The following KIF26A variants were observed in gnomAD, a reference collection of about 807,000 sequenced individuals.
The protein encoded by KIF26A is kinesin family member 26A.
In KIF26A, 74 loss-of-function variants were observed where a neutral mutation model predicts 126.0. The ratio of observed to expected loss-of-function variants is 0.59; its 90% CI spans 0.49 to 0.71. The LOEUF (loss-of-function observed/expected upper bound fraction) is 0.71. Ranked by LOEUF, KIF26A falls within the 30% of genes least tolerant of loss-of-function variation. The pLI is 0.00. For missense variants in KIF26A, 2,984 were observed against 2,763.3 expected (o/e 1.08, Z -1.79); for synonymous variants, 1,445 against 1,232.7 (o/e 1.17, Z -3.61).
chr14:104,141,080 C>T (rs537468744), intron 2 of KIF26A, among the ~76,000 whole-genome samples: 3 of 152,352 alleles, frequency 2.0e-5, no homozygotes, highest in South Asian at 2.1e-4. Context: ...GTCCCCTGTG[C>T]GGGCCTGGGC....
In KIF26A at chr14:104,178,733, C is replaced by T. The variant is rs1033608572; in HGVS notation, c.5294C>T (p.Thr1765Ile). Residue 1765 changes from threonine to isoleucine, a missense_variant, in exon 13 of 15, where the codon ACC (threonine) becomes ATC (isoleucine). Physicochemically the swap from Thr to Ile is moderately conservative, Grantham distance 89. Coordinates refer to ENST00000423312, the MANE Select transcript of KIF26A (RefSeq NM_015656.2). ...DVERLQRPRP[T>I]PREAPTQGLA... The stretch of plus-strand genomic sequence containing the variant: ...GAGCGCCTTCAGCGGCCCCGCCCCA[C>T]CCCGAGGGAGGCCCCCACCCAGGTA... 2 of 1,544,452 alleles carry T rather than the reference C, an allele frequency of 1.3e-6. No individual in the cohort carries two copies. Among genetic ancestry groups the T allele is most frequent in the Admixed American group, 1.9e-5 (1 of 51,392 alleles).
At chr14:104,149,931 A>G (rs1661449022) in intron 2 of KIF26A, among the ~76,000 whole-genome samples, 1 of 152,144 alleles carries the variant, frequency 6.6e-6, no homozygotes, top group South Asian at 2.1e-4. Flanking sequence ...ACACGGGGCC[A>G]CCAGGGCAGC....
Position 104,139,172 on chromosome 14 carries a change from C to T in KIF26A, c.172C>T (p.Pro58Ser), listed in dbSNP as rs1460208967. 6.5e-7 allele frequency: 1 copy of T among 1,537,268 alleles called. No individual in the cohort carries two copies. The highest frequency in any genetic ancestry group is 1.4e-5 in the African/African-American group (1 of 71,650). ...TGCTCCCGAAGGCGCCGGGGCCGGC[C>T]CAGAGCAGGGCCACTCGGCCGGCGG... ...RPAPEGAGAG[P>S]EQGHSAGGGG... The change falls in exon 2 of 15, where the codon CCA (proline) becomes TCA (serine). Residue 58 changes from proline to serine, a missense_variant. Physicochemically the swap from Pro to Ser is moderately conservative, Grantham distance 74. Transcript: ENST00000423312.
chr14:104,176,242 T>G lies in KIF26A; in HGVS notation c.3454T>G (p.Ser1152Ala). ...TGGGGGCCCCCCTGCCCTGGATGGT[T>G]CCCTGGGGGATGGAAGCTCTGGGTT... The part of the protein sequence containing the change: ...DPGGPPALDG[S>A]LGDGSSGFLG... Residue 1152 changes from serine (S) to alanine (A), a missense_variant, in exon 12 of 15, where the codon TCC becomes GCC. Physicochemically the swap from Ser to Ala is moderately conservative, Grantham distance 99 (BLOSUM62 1). Coordinates refer to ENST00000423312, the MANE Select transcript of KIF26A (RefSeq NM_015656.2). 6.3e-7 allele frequency: 1 copy of G among 1,599,814 alleles called. No homozygotes were observed. The highest frequency in any genetic ancestry group is 8.5e-7 in the Non-Finnish European group (1 of 1,173,684).
At chr14:104,141,055 G>A (rs895623311) in intron 2 of KIF26A, among the ~76,000 whole-genome samples, 3 of 152,234 alleles carry the variant, frequency 2.0e-5, no homozygotes, top group Non-Finnish European at 2.9e-5. Context: ...GGGGCCTTAC[G>A]GGTGTCATTG....
At chr14:104,171,139 G>A (rs1040773552) in intron 5 of KIF26A, among the ~76,000 whole-genome samples, 1 of 152,246 alleles carries the variant, frequency 6.6e-6, no homozygotes, top group Non-Finnish European at 1.5e-5. Context: ...ATTCGAATGG[G>A]CTTCCCCCTG....
In KIF26A at chr14:104,148,381, T is replaced by C. The variant is rs1391888681; in HGVS notation, c.289-3634T>C. ...ACCATAAAGAGAAAATTAAAAGTCA[T>C]ATTTCGCAGTGGAGTAATTACTGTC... On this transcript the variant is annotated intron_variant, in intron 2 of 14. Coordinates refer to ENST00000423312, the MANE Select transcript of KIF26A (RefSeq NM_015656.2). The surrounding 1 kb of genome is among the most constrained non-coding windows in gnomAD (Gnocchi z 4.3). Among the ~76,000 whole-genome samples, 1 of 152,176 alleles carries C rather than the reference T, an allele frequency of 6.6e-6. No homozygotes were observed. The highest frequency in any genetic ancestry group is 1.9e-4 in the East Asian group (1 of 5,174).
At chr14:104,165,613 GTC>G (rs1430012771) in intron 4 of KIF26A, among the ~76,000 whole-genome samples, 4 of 146,558 alleles carry the variant, frequency 2.7e-5, no homozygotes, top group Admixed American at 6.7e-5. Context: ...GTGTGTCTCT[GTC>G]TCTGTATGCA....
Position 104,173,875 on chromosome 14 carries a change from G to A in KIF26A, c.2030+7G>A, listed in dbSNP as rs1566864276. On this transcript the variant is annotated splice_region_variant and intron_variant, in intron 10 of 14. Transcript: ENST00000423312. The stretch of plus-strand genomic sequence containing the variant: ...CCAAGCATGTGCCGTATCGGTGAGT[G>A]TAGGGCCTGGGCAGGTGCCGACCAG... The A allele has an allele frequency of 1.8e-5, 29 of 1,577,224 alleles. No individual in the cohort carries two copies. The South Asian group carries it at 2.5e-4, about 13-fold the overall frequency.
intron 4 of KIF26A, among the ~76,000 whole-genome samples, chr14:104,165,117 C>T (rs955949882): frequency 2.1e-5 from 3 of 145,664 alleles, no homozygotes; most frequent in South Asian, 4.3e-4. Flanking sequence ...GTGTGTGTGT[C>T]TCTGCATGTA....
intron 7 of KIF26A, 79 bp downstream of exon 7, chr14:104,172,747 T>G (rs2037972331): frequency 3.3e-6 from 4 of 1,223,978 alleles, no homozygotes; most frequent in Admixed American, 2.2e-5. Flanking sequence ...GCTGGCAGCT[T>G]CTGATGGGAA....
At chr14:104,153,166 G>A (rs1223746292) in intron 3 of KIF26A, among the ~76,000 whole-genome samples, 2 of 152,092 alleles carry the variant, frequency 1.3e-5, no homozygotes, top group East Asian at 1.9e-4. Flanking sequence ...CTGGGCTTTC[G>A]GCCTCCCTGT....
At chr14:104,174,892 G>GTGCT in intron 11 of KIF26A, 90 bp from the exon 12 acceptor site, 1 of 1,322,102 alleles carries the variant, frequency 7.6e-7, no homozygotes, top group Non-Finnish European at 1.0e-6. Context: ...CACAGTGACC[G>GTGCT]CAGCATTGGC....
intron 3 of KIF26A, among the ~76,000 whole-genome samples, chr14:104,153,940 C>T (rs1226780617): frequency 1.3e-5 from 2 of 152,116 alleles, no homozygotes; most frequent in African/African-American, 4.8e-5. Flanking sequence ...GGCACCCTCT[C>T]CCAGCGTTAT....
At chr14:104,155,895 G>C (rs1596137218) in intron 3 of KIF26A, among the ~76,000 whole-genome samples, 3 of 152,332 alleles carry the variant, frequency 2.0e-5, no homozygotes, top group African/African-American at 7.2e-5. Context: ...CTGTGGTGTA[G>C]CAGCTCTGTC....
chr14:104,162,390 A>G (rs950197208), intron 4 of KIF26A, among the ~76,000 whole-genome samples: 4 of 152,154 alleles, frequency 2.6e-5, no homozygotes, highest in Admixed American at 6.5e-5. Flanking sequence ...GCTGTGGCCC[A>G]GGCATACCTG....
intron 2 of KIF26A, among the ~76,000 whole-genome samples, chr14:104,142,022 G>T (rs2037642214): frequency 6.6e-6 from 1 of 152,056 alleles, no homozygotes; most frequent in Non-Finnish European, 1.5e-5. Context: ...TGGAGCCCAG[G>T]TTCCCGGCCT....
chr14:104,149,572 C>G (rs943207688), intron 2 of KIF26A, among the ~76,000 whole-genome samples: 1 of 151,990 alleles, frequency 6.6e-6, no homozygotes, highest in African/African-American at 2.4e-5. Flanking sequence ...GCCTCCCTGG[C>G]AGCTGCTGTC....
At chr14:104,172,085 C>T (rs1596147021) in intron 6 of KIF26A, 150 bp downstream of exon 6, 2 of 770,492 alleles carry the variant, frequency 2.6e-6, no homozygotes, top group East Asian at 2.7e-5. Context: ...GCCTGCTTAC[C>T]TCCCTCATCG....
Sources: gnomAD v4.1 joint callset for allele counts (sites outside exome capture counted in the v4.1 genomes callset) on GRCh38, gnomAD v4.1.1 for gene constraint, Gnocchi (gnomAD v3.1) non-coding constraint, MANE v1.5 for transcripts, NCBI Gene and HGNC (gene_info 2026-07-23, HGNC 2026-07-21) for gene names.